Variants in TMEM132B observed in about 807,000 individuals in gnomAD.
TMEM132B encodes transmembrane protein 132B.
A neutral mutation model predicts 90.8 loss-of-function variants in TMEM132B; 18 were observed. That is an observed-to-expected ratio of 0.20 (90% CI 0.14 to 0.29). The LOEUF is 0.29. TMEM132B is among the 10% of genes least tolerant of loss of function. The probability of loss-of-function intolerance (pLI) is 1.00; values close to 1 mark genes in which losing one functional copy is unlikely to be tolerated. For missense variants in TMEM132B, 1,096 were observed against 1,326.8 expected (o/e 0.83, Z 2.70); for synonymous variants, 504 against 523.3 (o/e 0.96, Z 0.50).
intron 1 of TMEM132B, among the ~76,000 whole-genome samples, chr12:125,225,887 C>T (rs1873671465): frequency 6.6e-6 from 1 of 152,138 alleles, no homozygotes; most frequent in Non-Finnish European, 1.5e-5. Flanking sequence ...ATGTAGTCCA[C>T]CTGTGGGCCC....
intron 3 of TMEM132B, among the ~76,000 whole-genome samples, chr12:125,439,028 CAAAA>C (rs1288393195): frequency 6.6e-6 from 1 of 152,136 alleles, no homozygotes; most frequent in African/African-American, 2.4e-5. Flanking sequence ...TTCTTACACA[CAAAA>C]TCTTCAATAA....
intron 3 of TMEM132B, among the ~76,000 whole-genome samples, chr12:125,444,428 C>T (rs1880950765): frequency 6.6e-6 from 1 of 152,082 alleles, no homozygotes; most frequent in South Asian, 2.1e-4. Flanking sequence ...GTAAATCTTT[C>T]GATAGCCTCT....
chr12:125,221,901 AACTAG>A (rs1873567973), intron 1 of TMEM132B, among the ~76,000 whole-genome samples: 1 of 152,186 alleles, frequency 6.6e-6, no homozygotes, highest in African/African-American at 2.4e-5. Flanking sequence ...GCTGGAGCCC[AACTAG>A]CGTGGTTGGG....
At chr12:125,223,838 G>A (rs982924296) in intron 1 of TMEM132B, among the ~76,000 whole-genome samples, 4 of 151,764 alleles carry the variant, frequency 2.6e-5, no homozygotes, top group East Asian at 1.9e-4. Flanking sequence ...CTAGGGTGGC[G>A]CGATCTTGGT....
At chr12:125,547,360 G>T (rs2136748167) in intron 4 of TMEM132B, among the ~76,000 whole-genome samples, 1 of 135,426 alleles carries the variant, frequency 7.4e-6, no homozygotes, top group East Asian at 2.3e-4. Flanking sequence ...AAGTAATCTT[G>T]TGATTTTAAT....
chr12:125,206,091 C>T (rs1334926884), intron 1 of TMEM132B, among the ~76,000 whole-genome samples: 5 of 152,170 alleles, frequency 3.3e-5, no homozygotes, highest in Non-Finnish European at 5.9e-5. Context: ...CCCGACCCCA[C>T]AGCTAGGAGA....
intron 3 of TMEM132B, among the ~76,000 whole-genome samples, chr12:125,501,735 C>T (rs1490240811): frequency 6.6e-6 from 1 of 152,084 alleles, no homozygotes; most frequent in Admixed American, 6.6e-5. Context: ...GATTTTGTGT[C>T]CTTTGTATGC....
At chr12:125,505,957 C>T (rs1483674529) in intron 3 of TMEM132B, among the ~76,000 whole-genome samples, 2 of 152,186 alleles carry the variant, frequency 1.3e-5, no homozygotes, top group Admixed American at 1.3e-4. Context: ...TTATAAATTT[C>T]CCAATTTTGC....
rs189236537 is a variant in TMEM132B at position 125,566,080 on chromosome 12, C to T, written c.1294-17771C>T. Among the ~76,000 whole-genome samples the T allele has an allele frequency of 9.9e-5, 15 of 152,216 alleles. No individual in the cohort carries two copies. In the East Asian group the frequency reaches 2.3e-3, roughly 24 times the overall value. Reference sequence around the variant, plus strand: ...GGGAAATTGTGTAAGTTTTATCTACCCCAAAATAATATATGCTACTTACCA... The same window carrying T: ...GGGAAATTGTGTAAGTTTTATCTACTCCAAAATAATATATGCTACTTACCA... On this transcript the variant is annotated intron_variant, in intron 4 of 8. Coordinates refer to ENST00000682704, the MANE Select transcript of TMEM132B (RefSeq NM_001366854.1).
At chr12:125,403,810 G>A (rs957388386) in intron 2 of TMEM132B, among the ~76,000 whole-genome samples, 2 of 152,160 alleles carry the variant, frequency 1.3e-5, no homozygotes, top group Non-Finnish European at 2.9e-5. Flanking sequence ...TTAGGAGGGG[G>A]TTAACTTCAC....
intron 4 of TMEM132B, among the ~76,000 whole-genome samples, chr12:125,573,933 C>A (rs751833710): frequency 6.6e-6 from 1 of 152,164 alleles, no homozygotes; most frequent in Non-Finnish European, 1.5e-5. Flanking sequence ...AGTACTCCAA[C>A]TTCTTTTTAA....
intron 2 of TMEM132B, among the ~76,000 whole-genome samples, chr12:125,359,567 A>G (rs1001741064): frequency 2.0e-5 from 3 of 152,346 alleles, no homozygotes; most frequent in Middle Eastern, 3.4e-3. Flanking sequence ...GGTTACAACT[A>G]AAGACCATGA....
At chr12:125,653,538 A>G (rs777863502) in intron 8 of TMEM132B, 27 bp from the exon 9 acceptor site, 2 of 1,584,638 alleles carry the variant, frequency 1.3e-6, no homozygotes, top group Middle Eastern at 1.7e-4. Context: ...TGATTATAAC[A>G]TAATGCTTTG....
intron 4 of TMEM132B, among the ~76,000 whole-genome samples, chr12:125,558,765 A>G (rs1235756390): frequency 6.6e-6 from 1 of 152,194 alleles, no homozygotes; most frequent in African/African-American, 2.4e-5. Context: ...GTATTAATTA[A>G]GCTATCAATT....
intron 2 of TMEM132B, among the ~76,000 whole-genome samples, chr12:125,359,682 A>T (rs1877899207): frequency 6.6e-6 from 1 of 152,238 alleles, no homozygotes; most frequent in Admixed American, 6.5e-5. Flanking sequence ...TGTAAGAAAA[A>T]TAACAAATGT....
At chr12:125,314,141 T>C (rs919855647) in intron 1 of TMEM132B, among the ~76,000 whole-genome samples, 3 of 152,158 alleles carry the variant, frequency 2.0e-5, no homozygotes, top group Admixed American at 2.0e-4. Flanking sequence ...TGCAGGGGAC[T>C]TGATTACGTT....
intron 1 of TMEM132B, among the ~76,000 whole-genome samples, chr12:125,225,147 T>A (rs1227262937): frequency 6.6e-6 from 1 of 152,116 alleles, no homozygotes; most frequent in Non-Finnish European, 1.5e-5. Context: ...CCCAAATCAA[T>A]CAGCTGAGGA....
At chr12:125,561,214 G>T (rs1245294852) in intron 4 of TMEM132B, among the ~76,000 whole-genome samples, 1 of 152,136 alleles carries the variant, frequency 6.6e-6, no homozygotes, top group Non-Finnish European at 1.5e-5. Context: ...GAGTTCATGT[G>T]CTTTGCAGGG....
intron 4 of TMEM132B, among the ~76,000 whole-genome samples, chr12:125,535,052 C>T (rs1405927990): frequency 6.6e-6 from 1 of 152,104 alleles, no homozygotes; most frequent in Non-Finnish European, 1.5e-5. Flanking sequence ...GAGACTTCTG[C>T]CTAGGTATTT....
Sources: allele counts gnomAD v4.1 joint callset (sites outside exome capture counted in the v4.1 genomes callset), GRCh38; gene constraint gnomAD v4.1.1; transcripts MANE v1.5; gene names NCBI Gene and HGNC (gene_info 2026-07-23, HGNC 2026-07-21).